The following CAPN12 variants were observed in gnomAD, a reference collection of about 807,000 sequenced individuals.
CAPN12 encodes calpain 12.
CAPN12 carries 107 observed loss-of-function variants against 95.0 expected under a neutral mutation model. The ratio of observed to expected loss-of-function variants is 1.13; its 90% confidence interval spans 0.96 to 1.32. CAPN12 has a LOEUF of 1.32. Among genes scored for constraint, CAPN12 ranks in the 40% most tolerant of loss-of-function variants. The pLI, the probability that CAPN12 is intolerant of heterozygous loss-of-function variation, is 0.00. For missense variants in CAPN12, 1,136 were observed against 997.8 expected (o/e 1.14, Z -1.87); for synonymous variants, 505 against 415.5 (o/e 1.22, Z -2.62).
At chr19:38,738,130 C>A in intron 8 of CAPN12, 143 bp downstream of exon 8, 2 of 809,044 alleles carry the variant, frequency 2.5e-6, no homozygotes, top group Non-Finnish European at 3.9e-6. Context: ...CTTGATTTCC[C>A]AAAATAGAAC....
rs367922180 is a variant in CAPN12 at position 38,733,734 on chromosome 19, G to A, written c.1926C>T (p.Ser642=). ...FDEDTSGTMN[S]YELRLALNAA... ...CATTCAGTGCCAGCCTCAGCTCGTAGGAGTTCATGGTTCCAGAGGTGTCCT... is the reference window on the plus strand; with the variant it reads ...CATTCAGTGCCAGCCTCAGCTCGTAAGAGTTCATGGTTCCAGAGGTGTCCT... Residue 642 remains serine, a synonymous_variant, in exon 18 of 21, where the codon TCC becomes TCT. Transcript: ENST00000328867. 22 of 1,613,552 alleles carry A rather than the reference G, an allele frequency of 1.4e-5. No homozygotes were observed. The highest frequency in any genetic ancestry group is 1.7e-5 in the Non-Finnish European group (20 of 1,179,968).
intron 16 of CAPN12, 54 bp downstream of exon 16, chr19:38,734,265 C>T: frequency 4.4e-6 from 7 of 1,604,060 alleles, no homozygotes; most frequent in Non-Finnish European, 6.0e-6. Flanking sequence ...GAGGAGAGAC[C>T]CCAACGTCCC....
chr19:38,739,975 C>T, intron 5 of CAPN12, 76 bp downstream of exon 5: 1 of 1,415,202 alleles, frequency 7.1e-7, no homozygotes, highest in Non-Finnish European at 9.3e-7. Context: ...AGAGGAAGCA[C>T]TCCGCCCACC....
chr19:38,743,100 C>G lies in CAPN12; in HGVS notation c.240G>C (p.Glu80Asp). 1 of 1,614,080 alleles carries G rather than the reference C, an allele frequency of 6.2e-7. No homozygotes were observed. Among genetic ancestry groups the G allele is most frequent in the Non-Finnish European group, 8.5e-7 (1 of 1,179,972 alleles). ...AKGVKWMRPHEFCAEPKFICE... is the reference protein window; with the variant it reads ...AKGVKWMRPHDFCAEPKFICE... ...AGATGAACTTCGGCTCAGCACAGAACTCCTGTGGGTGGTGGGGGATTCCAG... is the reference window on the plus strand; with the variant it reads ...AGATGAACTTCGGCTCAGCACAGAAGTCCTGTGGGTGGTGGGGGATTCCAG... The change falls in exon 2 of 21, where the codon GAG becomes GAC. Residue 80 changes from glutamate (E) to aspartate (D), a missense_variant and splice_region_variant. Coordinates refer to ENST00000328867, the MANE Select transcript of CAPN12 (RefSeq NM_144691.4).
At chr19:38,737,704 G>T in intron 8 of CAPN12, 66 bp from the exon 9 acceptor site, 2 of 1,457,510 alleles carry the variant, frequency 1.4e-6, no homozygotes, top group South Asian at 1.4e-5. Context: ...TCCCGGAAAT[G>T]ACTCCCAGAT....
intron 14 of CAPN12, 43 bp downstream of exon 14, chr19:38,735,327 A>G: frequency 1.3e-6 from 2 of 1,511,912 alleles, no homozygotes; most frequent in South Asian, 1.3e-5. Flanking sequence ...CCCCAAGGGG[A>G]GGCCGCAGCG....
intron 8 of CAPN12, 142 bp from the exon 9 acceptor site, chr19:38,737,780 A>C: frequency 2.9e-5 from 32 of 1,109,810 alleles, no homozygotes; most frequent in Middle Eastern, 2.2e-4. Context: ...TGAACCCCAA[A>C]TGCCTGGGCC....
At chr19:38,742,946 G>T in intron 2 of CAPN12, 87 bp downstream of exon 2, 1 of 1,239,618 alleles carries the variant, frequency 8.1e-7, no homozygotes, top group Non-Finnish European at 1.2e-6. Flanking sequence ...CCAGGGGCCG[G>T]GAGTGGGTGG....
chr19:38,735,616 G>GTGAGGAATCGCGTGGGGTCTCAA, intron 12 of CAPN12, 72 bp from the exon 13 acceptor site: 2 of 1,524,792 alleles, frequency 1.3e-6, no homozygotes, highest in Non-Finnish European at 1.8e-6. Context: ...CGGGGTCTCA[G>GTGAGGAATCGCGTGGGGTCTCAA]GTGAGGAATC....
intron 14 of CAPN12, 169 bp downstream of exon 14, chr19:38,735,201 C>T (rs1969933104): frequency 1.5e-6 from 1 of 687,216 alleles, no homozygotes; most frequent in Non-Finnish European, 2.4e-6. Flanking sequence ...GCCCAAGGCC[C>T]TGAGGCAGGG....
At chr19:38,738,849 G>A (rs1378918718) in intron 5 of CAPN12, 50 of 603,280 alleles carry the variant, frequency 8.3e-5, no homozygotes, top group Non-Finnish European at 1.3e-4. Flanking sequence ...GAGACAAAAG[G>A]AGATGGAGGT....
chr19:38,741,678 T>C, intron 4 of CAPN12, 99 bp downstream of exon 4: 2 of 1,458,416 alleles, frequency 1.4e-6, no homozygotes, highest in Admixed American at 2.2e-5. Context: ...GGTGGGGTGT[T>C]TGGAGGATTG....
chr19:38,736,602 G>C, intron 10 of CAPN12, 39 bp from the exon 11 acceptor site: 1 of 1,585,576 alleles, frequency 6.3e-7, no homozygotes, highest in Non-Finnish European at 8.6e-7. Context: ...GGGCAGGGGA[G>C]AGGTGGCCGC....
rs139068953 is a variant in CAPN12 at position 38,734,343 on chromosome 19, A to C, written c.1791T>G (p.Cys597Trp). 302 of 1,608,072 alleles carry C rather than the reference A, an allele frequency of 1.9e-4. No individual in the cohort carries two copies. The highest frequency in any genetic ancestry group is 2.5e-4 in the Non-Finnish European group (294 of 1,176,930). ...STPREIGLRT[C>W]EQLLQCFGHG... ...CCCCGAAACACTGCAGCAGCTGCTC[A>C]CAGGTCCTGAGCCCGATCTCTCTGG... The change falls in exon 16 of 21, where the codon TGT becomes TGG. Residue 597 changes from cysteine to tryptophan, a missense_variant. Transcript: ENST00000328867.
chr19:38,731,850 C>T (rs1224569042), intron 18 of CAPN12, among the ~76,000 whole-genome samples: 2 of 152,242 alleles, frequency 1.3e-5, no homozygotes, highest in Non-Finnish European at 2.9e-5. Flanking sequence ...CAAATATCTA[C>T]CAAGTAAGTG....
At chr19:38,742,343 A>AT in intron 3 of CAPN12, 67 bp downstream of exon 3, 3 of 1,197,730 alleles carry the variant, frequency 2.5e-6, no homozygotes, top group Non-Finnish European at 2.4e-6. Flanking sequence ...AAAAAAAAAA[A>AT]GAAAAATCCA....
chr19:38,734,388 G>A lies in CAPN12; in HGVS notation c.1746C>T (p.Ala582=), dbSNP rs941343538. The stretch of plus-strand genomic sequence containing the variant: ...CTCTGGGGGTGGAGGTATGGGCCCT[G>A]GCTACAGGAAAAACAAAGTCAAACC... The part of the protein sequence containing the change: ...QALLSIALEP[A]RAHTSTPREI... Residue 582 remains alanine, a splice_region_variant and synonymous_variant, in exon 16 of 21, where the codon GCC becomes GCT. Coordinates refer to ENST00000328867, the MANE Select transcript of CAPN12 (RefSeq NM_144691.4). 9 of 1,585,654 alleles carry A rather than the reference G, an allele frequency of 5.7e-6. No homozygotes were observed. Among genetic ancestry groups the A allele is most frequent in the South Asian group, 2.3e-5 (2 of 87,410 alleles).
chr19:38,743,782 C>T (rs1427047687), intron 1 of CAPN12, 147 bp downstream of exon 1: 1 of 739,282 alleles, frequency 1.4e-6, no homozygotes, highest in Non-Finnish European at 2.2e-6. Context: ...CCCCTCCTCC[C>T]TCAGACCTAA....
At position 38,734,170 on chromosome 19, in the gene CAPN12, T is replaced by G. The variant is rs1969841093; in HGVS notation, c.1850A>C (p.Gln617Pro). ...GQSLALHHFQ[Q>P]LWGYLLEWQA... ...CCACTCCAGGAGGTAGCCCCAGAGC[T>G]GCTGGAAGTGGTGTAAGGCCAGGCT... is the stretch of plus-strand genomic sequence containing the variant. The change falls in exon 17 of 21, where the codon CAG becomes CCG. Residue 617 changes from glutamine (Q) to proline (P), a missense_variant. By Grantham distance (76) the Gln-to-Pro change is moderately conservative. Transcript: ENST00000328867. The G allele has an allele frequency of 6.2e-7, 1 of 1,612,886 alleles. No homozygotes were observed.
Sources: gnomAD v4.1 joint callset for allele counts (sites outside exome capture counted in the v4.1 genomes callset) on GRCh38, gnomAD v4.1.1 for gene constraint, MANE v1.5 for transcripts, NCBI Gene and HGNC (gene_info 2026-07-23, HGNC 2026-07-21) for gene names.